The following TMCC1 variants were observed in gnomAD, a reference collection of about 807,000 sequenced individuals.
TMCC1 encodes transmembrane and coiled-coil domain family 1, also known as transmembrane and coiled-coil domains protein 1.
A neutral mutation model predicts 52.4 loss-of-function variants in TMCC1; 15 were observed. The observed-to-expected ratio is 0.29, with a 90% CI of 0.19 to 0.44. The LOEUF is 0.44. Among genes scored for constraint, TMCC1 ranks in the 20% least tolerant of loss-of-function variants. TMCC1 has a pLI of 1.00. For missense variants in TMCC1, 503 were observed against 806.0 expected (o/e 0.62, Z 4.55); for synonymous variants, 279 against 301.9 (o/e 0.92, Z 0.79).
chr3:129,818,380 T>A (rs577469884), intron 4 of TMCC1, among the ~76,000 whole-genome samples: 3 of 152,014 alleles, frequency 2.0e-5, no homozygotes, highest in African/African-American at 2.4e-5. Flanking sequence ...AGAAACTTTT[T>A]AAATTTTCTT....
chr3:129,810,518 C>G (rs908019092), intron 4 of TMCC1, among the ~76,000 whole-genome samples: 6 of 152,112 alleles, frequency 3.9e-5, no homozygotes, highest in Non-Finnish European at 8.8e-5. Context: ...CAATAGAAAA[C>G]AGCTTGCATT....
At chr3:129,877,888 G>A (rs538880611) in intron 2 of TMCC1, among the ~76,000 whole-genome samples, 90 of 151,508 alleles carry the variant, frequency 5.9e-4, no homozygotes, top group African/African-American at 2.0e-3. Flanking sequence ...CACCCGCCTC[G>A]GCCTCCCAAA....
At chr3:129,859,501 G>T (rs1468538829) in intron 2 of TMCC1, among the ~76,000 whole-genome samples, 14 of 151,988 alleles carry the variant, frequency 9.2e-5, no homozygotes. Context: ...GGTGGGCATG[G>T]TGGCATGACC....
chr3:129,739,995 T>C (rs964576523), intron 4 of TMCC1, among the ~76,000 whole-genome samples: 19 of 152,262 alleles, frequency 1.2e-4, no homozygotes, highest in African/African-American at 4.6e-4. Flanking sequence ...AAGGTTAGCA[T>C]ACAGCATTAG....
intron 4 of TMCC1, among the ~76,000 whole-genome samples, chr3:129,758,863 T>G (rs1329679430): frequency 6.6e-6 from 1 of 152,234 alleles, no homozygotes; most frequent in African/African-American, 2.4e-5. Flanking sequence ...ACCACCATTC[T>G]ACTTTATTTT....
Position 129,778,681 on chromosome 3 carries a change from G to GGGA in TMCC1, c.576+49121_576+49122insTCC, listed in dbSNP as rs963309417. ...AAGGTGATTAGATCATGGTGGGGGGGGGGCAGTCTCCCCATGCTGTTCTCA... is the reference window on the plus strand; with the variant it reads ...AAGGTGATTAGATCATGGTGGGGGGGGGAGGGCAGTCTCCCCATGCTGTTCTCA... On this transcript the variant is annotated intron_variant, in intron 4 of 6. Transcript: ENST00000393238. 6.6e-5 allele frequency among the ~76,000 whole-genome samples: 10 copies of GGGA among 150,880 alleles called. No homozygotes were observed. The East Asian group carries it at 1.9e-3, about 29-fold the overall frequency.
chr3:129,655,137 AT>A (rs1231837889), intron 5 of TMCC1, 34 bp from the exon 6 acceptor site: 4 of 1,603,156 alleles, frequency 2.5e-6, no homozygotes, highest in Non-Finnish European at 3.4e-6. Context: ...AATTTTATGA[AT>A]TCTGTGAATA....
chr3:129,736,135 A>G (rs2050940633), intron 4 of TMCC1, among the ~76,000 whole-genome samples: 1 of 152,308 alleles, frequency 6.6e-6, no homozygotes, highest in East Asian at 1.9e-4. Flanking sequence ...AATGACCCAA[A>G]AATCTGCTGG....
At chr3:129,706,119 G>T (rs964810363) in intron 4 of TMCC1, among the ~76,000 whole-genome samples, 1 of 149,256 alleles carries the variant, frequency 6.7e-6, no homozygotes, top group Non-Finnish European at 1.5e-5. Context: ...TTGAACTCTT[G>T]ACCTCAAGTG....
At chr3:129,752,832 T>C (rs750233699) in intron 4 of TMCC1, among the ~76,000 whole-genome samples, 6 of 152,140 alleles carry the variant, frequency 3.9e-5, no homozygotes, top group Non-Finnish European at 2.9e-5. Flanking sequence ...GAGGTTTAAA[T>C]TGACTCACAG....
chr3:129,689,592 T>C (rs1342159647), intron 4 of TMCC1, among the ~76,000 whole-genome samples: 1 of 152,190 alleles, frequency 6.6e-6, no homozygotes, highest in African/African-American at 2.4e-5. Flanking sequence ...TGATAATTTC[T>C]TTACTTCTAG....
chr3:129,670,228 C>T, intron 5 of TMCC1, 102 bp downstream of exon 5: 1 of 1,267,262 alleles, frequency 7.9e-7, no homozygotes, highest in Non-Finnish European at 1.1e-6. Context: ...GTGCTCTGGA[C>T]ACTCTAGAGA....
chr3:129,704,307 T>C (rs937719214), intron 4 of TMCC1, among the ~76,000 whole-genome samples: 31 of 152,328 alleles, frequency 2.0e-4, no homozygotes, highest in African/African-American at 7.2e-4. Flanking sequence ...CAGAGACAGT[T>C]CTATAACCTG....
intron 4 of TMCC1, among the ~76,000 whole-genome samples, chr3:129,760,494 GTT>G (rs1491367854): frequency 6.9e-5 from 10 of 145,088 alleles, no homozygotes; most frequent in African/African-American, 1.8e-4. Flanking sequence ...GTGTGTGTGT[GTT>G]TTTGAGACAG....
intron 5 of TMCC1, among the ~76,000 whole-genome samples, chr3:129,669,183 T>C (rs1478188218): frequency 6.6e-6 from 1 of 152,176 alleles, no homozygotes; most frequent in African/African-American, 2.4e-5. Flanking sequence ...GACCCTAAGA[T>C]TACCTTATAA....
At chr3:129,705,773 T>A (rs2048180122) in intron 4 of TMCC1, among the ~76,000 whole-genome samples, 2 of 152,048 alleles carry the variant, frequency 1.3e-5, no homozygotes, top group Admixed American at 1.3e-4. Flanking sequence ...TTTGTATTTT[T>A]AGTAGAGACG....
At chr3:129,891,559 T>A (rs2061963761) in intron 1 of TMCC1, among the ~76,000 whole-genome samples, 1 of 152,252 alleles carries the variant, frequency 6.6e-6, no homozygotes, top group Non-Finnish European at 1.5e-5. Flanking sequence ...CTGTACTTCC[T>A]GGTCCTTTAC....
chr3:129,831,906 G>A (rs2058934106), intron 3 of TMCC1, among the ~76,000 whole-genome samples: 1 of 152,198 alleles, frequency 6.6e-6, no homozygotes, highest in African/African-American at 2.4e-5. Context: ...CCAGGCTGGA[G>A]TGCAGTGGCA....
At chr3:129,804,350 A>C (rs2057348325) in intron 4 of TMCC1, among the ~76,000 whole-genome samples, 1 of 152,196 alleles carries the variant, frequency 6.6e-6, no homozygotes, top group African/African-American at 2.4e-5. Context: ...CTATTCTTTG[A>C]GTGGTTACCC....
Sources: allele counts gnomAD v4.1 joint callset (sites outside exome capture counted in the v4.1 genomes callset), GRCh38; gene constraint gnomAD v4.1.1; transcripts MANE v1.5; gene names NCBI Gene and HGNC (gene_info 2026-07-23, HGNC 2026-07-21).